Variants in DNAH9 observed in about 807,000 individuals in gnomAD.
DNAH9 encodes DNAH9 variant protein.
A neutral mutation model predicts 471.6 loss-of-function variants in DNAH9; 345 were observed. The observed-to-expected ratio is 0.73, with a 90% CI of 0.67 to 0.80. The LOEUF (loss-of-function observed/expected upper bound fraction) is 0.80, where lower values mean the gene tolerates loss of function less well. DNAH9 is among the 30% of genes least tolerant of loss of function. The pLI is 0.00. For synonymous variants in DNAH9, 2,093 were observed against 2,123.6 expected, an observed-to-expected ratio of 0.99 and a Z score of 0.40; for missense variants, 5,407 against 5,609.2, an observed-to-expected ratio of 0.96 and a Z score of 1.15.
intron 67 of DNAH9, among the ~76,000 whole-genome samples, chr17:11,954,998 AT>A (rs1975565855): frequency 6.6e-6 from 1 of 152,204 alleles, no homozygotes; most frequent in African/African-American, 2.4e-5. Context: ...TAAAACCAAA[AT>A]ACATGCCAAC....
Position 11,626,082 on chromosome 17 carries a change from G to C in DNAH9, c.1351-3335G>C, listed in dbSNP as rs1042496189. Among the ~76,000 whole-genome samples, 14 of 152,108 alleles carry C rather than the reference G, an allele frequency of 9.2e-5. No homozygotes were observed. The highest frequency in any genetic ancestry group is 2.9e-4 in the African/African-American group (12 of 41,402). The stretch of plus-strand genomic sequence containing the variant: ...GGAACCAGAGTTGCGTAAACTCAGG[G>C]TTTTTTGTTTGTTTGTTCTGGCCCT... On this transcript the variant is annotated intron_variant, in intron 6 of 68. Coordinates refer to ENST00000262442, the MANE Select transcript of DNAH9 (RefSeq NM_001372.4). The surrounding 1 kb of genome is among the most constrained non-coding windows in gnomAD (Gnocchi z 4.3).
chr17:11,745,585 G>GACAGAC (rs1204912571), intron 31 of DNAH9, among the ~76,000 whole-genome samples: 4 of 152,074 alleles, frequency 2.6e-5, no homozygotes, highest in African/African-American at 9.7e-5. Flanking sequence ...AAGACAGATG[G>GACAGAC]ACAGACACAG....
chr17:11,897,567 G>A (rs1275088656), intron 59 of DNAH9, among the ~76,000 whole-genome samples: 1 of 152,124 alleles, frequency 6.6e-6, no homozygotes, highest in Non-Finnish European at 1.5e-5. Context: ...AGTTTGTTCT[G>A]TAAAGCGGTT....
chr17:11,681,597 C>T lies in DNAH9; in HGVS notation c.3743+708C>T, dbSNP rs147768088. Among the ~76,000 whole-genome samples, 467 of 152,296 alleles carry T rather than the reference C, an allele frequency of 3.1e-3. 3 individuals carry two copies. Among genetic ancestry groups the T allele is most frequent in the Non-Finnish European group, 5.1e-3 (346 of 68,028 alleles). ...CTAGATTGGGTGCCCTTTGCCCTAA[C>T]GCTCCAGCTCTGTGATTTGTTTCCT... is the stretch of plus-strand genomic sequence containing the variant. On this transcript the variant is annotated intron_variant, in intron 19 of 68. Transcript: ENST00000262442.
chr17:11,768,439 CTT>C lies in DNAH9; in HGVS notation c.7171-12_7171-11del, dbSNP rs751510591. 3 of 1,609,974 alleles carry C rather than the reference CTT, an allele frequency of 1.9e-6. No homozygotes were observed. In the African/African-American group the frequency reaches 4.0e-5, roughly 22 times the overall value. Reference sequence around the variant, plus strand: ...CTGGAGGACCTTGTCCCCTGACTGTCTTTGTTTTTGCAGCTTGTGGACTACCG... The same window carrying C: ...CTGGAGGACCTTGTCCCCTGACTGTCTGTTTTTGCAGCTTGTGGACTACCG... On this transcript the variant is annotated splice_polypyrimidine_tract_variant and intron_variant, in intron 36 of 68. Transcript: ENST00000262442.
chr17:11,759,689 ATTTT>A (rs35617747), intron 35 of DNAH9, among the ~76,000 whole-genome samples: 1 of 128,440 alleles, frequency 7.8e-6, no homozygotes, highest in Non-Finnish European at 1.6e-5. Flanking sequence ...TGCCCACCTA[ATTTT>A]TTTTTTTTTT....
At chr17:11,799,360 ATTTT>A (rs1969371761) in intron 43 of DNAH9, among the ~76,000 whole-genome samples, 1 of 150,716 alleles carries the variant, frequency 6.6e-6, no homozygotes, top group South Asian at 2.1e-4. Flanking sequence ...TAAAAATTTT[ATTTT>A]ATTTTATTTT....
At chr17:11,787,443 G>C (rs140394740) in intron 41 of DNAH9, among the ~76,000 whole-genome samples, 15 of 152,294 alleles carry the variant, frequency 9.8e-5, no homozygotes, top group African/African-American at 3.4e-4. Flanking sequence ...GGCTAAACTT[G>C]ATTTAACACT....
chr17:11,925,441 C>G (rs1257012699), intron 62 of DNAH9: 1 of 282,134 alleles, frequency 3.5e-6, no homozygotes, highest in Non-Finnish European at 7.0e-6. Context: ...CTCCCAGGGC[C>G]TCCTTTTCCA....
intron 52 of DNAH9, among the ~76,000 whole-genome samples, chr17:11,874,122 G>A (rs1457107952): frequency 6.6e-6 from 1 of 151,630 alleles, no homozygotes; most frequent in Non-Finnish European, 1.5e-5. Context: ...GCAGGCACCT[G>A]TAATCCCAGC....
At chr17:11,844,882 T>C (rs1971160146) in intron 49 of DNAH9, among the ~76,000 whole-genome samples, 1 of 152,204 alleles carries the variant, frequency 6.6e-6, no homozygotes, top group Non-Finnish European at 1.5e-5. Flanking sequence ...CGGTTTTGAT[T>C]TGCATTTCTC....
intron 36 of DNAH9, among the ~76,000 whole-genome samples, chr17:11,765,083 C>T (rs1967875997): frequency 6.6e-6 from 1 of 152,180 alleles, no homozygotes; most frequent in Non-Finnish European, 1.5e-5. Flanking sequence ...TTACTCTCCC[C>T]ATGTGCACAA....
At chr17:11,706,471 A>C (rs1412172859) in intron 26 of DNAH9, among the ~76,000 whole-genome samples, 1 of 152,154 alleles carries the variant, frequency 6.6e-6, no homozygotes, top group African/African-American at 2.4e-5. Flanking sequence ...AATATCACCA[A>C]GGGGAAAAGT....
intron 67 of DNAH9, among the ~76,000 whole-genome samples, chr17:11,957,651 CAG>C (rs775455592): frequency 1.3e-5 from 2 of 151,378 alleles, no homozygotes; most frequent in East Asian, 1.9e-4. Context: ...TTCTCTTCAG[CAG>C]AGAGAGATGA....
rs61644439 is a variant in DNAH9, at chr17:11,730,743, G to A, written c.5814+2821G>A. ...TAAATGCTTTGTTGATGATGATAATGGTGGTGGTGATGTTAGTGATGATGA... is the reference window on the plus strand; with the variant it reads ...TAAATGCTTTGTTGATGATGATAATAGTGGTGGTGATGTTAGTGATGATGA... On this transcript the variant is annotated intron_variant, in intron 28 of 68. Transcript: ENST00000262442. 3.9e-3 allele frequency among the ~76,000 whole-genome samples: 466 copies of A among 119,822 alleles called. 1 individual carries two copies. The highest frequency in any genetic ancestry group is 0.011 in the African/African-American group (398 of 34,762). 78.6% of individuals were successfully genotyped at this position (119,822 alleles called of 152,430 possible).
At chr17:11,743,896 C>T (rs1360911764) in intron 30 of DNAH9, among the ~76,000 whole-genome samples, 1 of 150,322 alleles carries the variant, frequency 6.7e-6, no homozygotes, top group African/African-American at 2.5e-5. Context: ...GTGGCGTGAT[C>T]TCGGCTCGCT....
intron 65 of DNAH9, among the ~76,000 whole-genome samples, chr17:11,935,441 T>C (rs563168485): frequency 9.9e-5 from 15 of 151,174 alleles, no homozygotes; most frequent in Admixed American, 9.2e-4. Context: ...AATAGCGCGA[T>C]CTCGGCTCAC....
intron 68 of DNAH9, among the ~76,000 whole-genome samples, chr17:11,968,267 G>A (rs1976908471): frequency 6.6e-6 from 1 of 152,278 alleles, no homozygotes; most frequent in East Asian, 1.9e-4. Flanking sequence ...ATGGGGCAAG[G>A]AGGTCCCCAC....
At position 11,613,228 on chromosome 17, in the gene DNAH9, T is replaced by G. The variant is rs980584188; in HGVS notation, c.904+1448T>G. ...TTCTGTGTTCCCGAGGAATCAGCTTTTGTTCCCAGTTTACACTTCCAGGAG... is the reference window on the plus strand; with the variant it reads ...TTCTGTGTTCCCGAGGAATCAGCTTGTGTTCCCAGTTTACACTTCCAGGAG... On this transcript the variant is annotated intron_variant, in intron 4 of 68. Coordinates refer to ENST00000262442, the MANE Select transcript of DNAH9 (RefSeq NM_001372.4). Among the ~76,000 whole-genome samples the G allele has an allele frequency of 2.0e-5, 3 of 152,164 alleles. No individual in the cohort carries two copies. In the East Asian group the frequency reaches 5.8e-4, roughly 29 times the overall value.
Sources: gnomAD v4.1 joint callset for allele counts (sites outside exome capture counted in the v4.1 genomes callset) on GRCh38, gnomAD v4.1.1 for gene constraint, Gnocchi (gnomAD v3.1) non-coding constraint, MANE v1.5 for transcripts, NCBI Gene and HGNC (gene_info 2026-07-23, HGNC 2026-07-21) for gene names.